The following FGF13 variants were observed in gnomAD, a reference collection of about 807,000 sequenced individuals.
The protein encoded by FGF13 is fibroblast growth factor 13, also known as fibroblast growth factor homologous factor 2.
A neutral mutation model predicts 19.5 loss-of-function variants in FGF13; 2 were observed. The ratio of observed to expected loss-of-function variants is 0.10; its 90% CI spans 0.04 to 0.32. The LOEUF is 0.32. Ranked by LOEUF, FGF13 falls within the 10% of genes least tolerant of loss-of-function variation. The pLI is 1.00. For synonymous variants in FGF13, 72 were observed against 76.9 expected (o/e 0.94, Z 0.33); for missense variants, 113 against 192.7 (o/e 0.59, Z 2.45).
At chrX:138,633,289 G>A (rs1284438874) in intron 4 of FGF13, among the ~76,000 whole-genome samples, 1 of 111,146 alleles carries the variant, frequency 9.0e-6, no homozygotes, top group Non-Finnish European at 1.9e-5. Context: ...TTTTCTTTTG[G>A]TTACTAGGCT....
At chrX:138,872,847 C>A (rs897428493) in intron 1 of FGF13, among the ~76,000 whole-genome samples, 1 of 111,205 alleles carries the variant, frequency 9.0e-6, no homozygotes. Context: ...ATTCATTCTT[C>A]TCTGCTCCTT....
At chrX:138,688,029 C>G (rs774008750) in intron 3 of FGF13, among the ~76,000 whole-genome samples, 4 of 107,892 alleles carry the variant, frequency 3.7e-5, no homozygotes, top group Non-Finnish European at 7.7e-5. Flanking sequence ...GATGTCAGCT[C>G]ACTGTAACCT....
chrX:138,845,984 T>C (rs959666985), intron 3 of FGF13, among the ~76,000 whole-genome samples: 13 of 111,086 alleles, frequency 1.2e-4, no homozygotes, highest in Admixed American at 8.7e-4. Flanking sequence ...CTGAGGCAGT[T>C]TGCTAGACAA....
rs749345156 is a variant in FGF13 at position 138,776,667 on chromosome X, T to C, written c.218-67739A>G. Among the ~76,000 whole-genome samples the C allele has an allele frequency of 3.6e-5, 4 of 112,244 alleles. No homozygotes were observed. In the East Asian group the frequency reaches 1.1e-3, roughly 32 times the overall value. On this transcript the variant is annotated intron_variant, in intron 3 of 6. Transcript: ENST00000436198. ...TCGGCTAAGAATGTCCTCAAATTCC[T>C]GCTACCAAACCTATAAACCTATCTG... is the stretch of plus-strand genomic sequence containing the variant.
At chrX:138,861,815 C>T (rs2124148269) in intron 2 of FGF13, among the ~76,000 whole-genome samples, 1 of 110,734 alleles carries the variant, frequency 9.0e-6, no homozygotes, top group African/African-American at 3.3e-5. Flanking sequence ...CTAGACTGGC[C>T]AACATGGCAA....
intron 1 of FGF13, among the ~76,000 whole-genome samples, chrX:138,984,131 G>A (rs937551840): frequency 3.6e-5 from 4 of 111,252 alleles, no homozygotes. Context: ...AGGTAGGGTG[G>A]GCACAGTGGC....
In FGF13 at chrX:138,629,528, G is replaced by A. The variant is rs748352879; in HGVS notation, c.*3322C>T. ...TCACTAAATCTGTTTGATAAGTGGCGCTTTCCCATTCTCTCTCCTGCTGCC... is the reference window on the plus strand; with the variant it reads ...TCACTAAATCTGTTTGATAAGTGGCACTTTCCCATTCTCTCTCCTGCTGCC... On this transcript the variant is annotated 3_prime_UTR_variant, in exon 5 of 5. Transcript: ENST00000315930. 2 of 110,910 alleles carry A rather than the reference G, an allele frequency of 1.8e-5. No individual in the cohort carries two copies. Among genetic ancestry groups the A allele is most frequent in the African/African-American group, 3.3e-5 (1 of 30,460 alleles). 9.1% of individuals were successfully genotyped at this position (110,910 alleles called of 1,213,427 possible). A position where few individuals can be genotyped will look rare whatever the true frequency, so the allele number is the denominator to read the frequency against.
At chrX:138,905,335 G>A (rs1271295769) in intron 1 of FGF13, among the ~76,000 whole-genome samples, 1 of 111,896 alleles carries the variant, frequency 8.9e-6, no homozygotes, top group Admixed American at 9.5e-5. Context: ...ACACATAATA[G>A]AGACTTTAAT....
chrX:138,945,653 A>C (rs2091778478), intron 1 of FGF13, among the ~76,000 whole-genome samples: 1 of 111,526 alleles, frequency 9.0e-6, no homozygotes, highest in Non-Finnish European at 1.9e-5. Context: ...GTGACTATGC[A>C]TGAACTAAAA....
chrX:139,014,724 G>A (rs1324760712), intron 1 of FGF13, among the ~76,000 whole-genome samples: 1 of 110,926 alleles, frequency 9.0e-6, no homozygotes, highest in Non-Finnish European at 1.9e-5. Flanking sequence ...TTACAAGGCT[G>A]GTATTATCCT....
intron 1 of FGF13, among the ~76,000 whole-genome samples, chrX:138,951,351 G>T (rs1036732053): frequency 9.0e-6 from 1 of 111,689 alleles, no homozygotes; most frequent in Non-Finnish European, 1.9e-5. Flanking sequence ...TCATGACCTT[G>T]GAGTTGGCAA....
intron 1 of FGF13, among the ~76,000 whole-genome samples, chrX:139,064,148 T>C (rs887870611): frequency 6.3e-5 from 7 of 110,952 alleles, no homozygotes; most frequent in African/African-American, 2.3e-4. Flanking sequence ...TGTCAACTAT[T>C]GCCTAAACCA....
At chrX:139,044,316 G>A (rs970013866) in intron 1 of FGF13, among the ~76,000 whole-genome samples, 6 of 111,456 alleles carry the variant, frequency 5.4e-5, no homozygotes, top group Non-Finnish European at 1.1e-4. Flanking sequence ...CATGGTAGAA[G>A]CCAAAGTGGA....
In FGF13 at chrX:138,708,789, C is replaced by A. The variant is rs377289778; in HGVS notation, c.298+29G>T. The stretch of plus-strand genomic sequence containing the variant: ...AAACAGAATGTTAACAACATGCTGG[C>A]ATATACTATTTATTTTGCAGTCACT... On this transcript the variant is annotated intron_variant, in intron 2 of 4. Coordinates refer to ENST00000315930, the MANE Select transcript of FGF13 (RefSeq NM_004114.5). 9.9e-6 allele frequency: 9 copies of A among 911,912 alleles called. No homozygotes were observed. The African/African-American group carries it at 1.8e-4, about 18-fold the overall frequency. 75.2% of individuals were successfully genotyped at this position (911,912 alleles called of 1,213,427 possible). A position where few individuals can be genotyped will look rare whatever the true frequency, so the allele number is the denominator to read the frequency against.
chrX:138,647,183 A>C (rs189058535), intron 3 of FGF13, among the ~76,000 whole-genome samples: 2 of 101,750 alleles, frequency 2.0e-5, no homozygotes, highest in Admixed American at 2.2e-4. Flanking sequence ...TTCTTCCTGG[A>C]GGTTTTCCTA....
At chrX:138,767,326 A>T (rs970735823) in intron 3 of FGF13, among the ~76,000 whole-genome samples, 4 of 111,897 alleles carry the variant, frequency 3.6e-5, no homozygotes, top group African/African-American at 6.5e-5. Context: ...AGAATATACT[A>T]AACTTTGTTT....
intron 1 of FGF13, among the ~76,000 whole-genome samples, chrX:139,035,363 G>A (rs1026153673): frequency 9.0e-6 from 1 of 111,081 alleles, no homozygotes; most frequent in African/African-American, 3.3e-5. Context: ...ATCAGGAGGA[G>A]CATTTTTGCA....
chrX:138,678,543 G>A (rs2089696758), intron 3 of FGF13, among the ~76,000 whole-genome samples: 2 of 111,576 alleles, frequency 1.8e-5, no homozygotes, highest in Admixed American at 1.9e-4. Context: ...GACCAAGTTA[G>A]AGGAAGCTAC....
intron 1 of FGF13, among the ~76,000 whole-genome samples, chrX:139,136,180 A>T (rs1399932258): frequency 9.0e-6 from 1 of 111,405 alleles, no homozygotes; most frequent in Non-Finnish European, 1.9e-5. Context: ...TTCTATCTGA[A>T]GTATGAGTGT....
Sources: allele counts gnomAD v4.1 joint callset (sites outside exome capture counted in the v4.1 genomes callset), GRCh38; gene constraint gnomAD v4.1.1; transcripts MANE v1.5; gene names NCBI Gene and HGNC (gene_info 2026-07-23, HGNC 2026-07-21).